RYR2: variants seen among roughly 807,000 people sequenced by gnomAD.
RYR2 encodes cardiac muscle ryanodine receptor-calcium release channel.
In RYR2, 227 loss-of-function variants were observed where a neutral mutation model predicts 601.1. The ratio of observed to expected loss-of-function variants is 0.38; its 90% CI spans 0.34 to 0.42. The LOEUF (loss-of-function observed/expected upper bound fraction) is 0.42. RYR2 is among the 10% of genes least tolerant of loss of function. RYR2 has a pLI of 1.00. For missense variants in RYR2, 4,646 were observed against 6,156.5 expected (o/e 0.75, Z 8.21); for synonymous variants, 2,223 against 2,175.1 (o/e 1.02, Z -0.61).
At chr1:237,556,508 A>G (rs1430302986) in intron 27 of RYR2, among the ~76,000 whole-genome samples, 1 of 142,450 alleles carries the variant, frequency 7.0e-6, no homozygotes, top group Non-Finnish European at 1.5e-5. Context: ...GCGGGGTTTC[A>G]CCATATTGGC....
At chr1:237,728,913 C>T (rs1259819834) in intron 76 of RYR2, among the ~76,000 whole-genome samples, 1 of 151,966 alleles carries the variant, frequency 6.6e-6, no homozygotes, top group Non-Finnish European at 1.5e-5. Flanking sequence ...AACAAACCTG[C>T]ACATTCTGCA....
At chr1:237,437,099 C>T (rs1267083347) in intron 12 of RYR2, among the ~76,000 whole-genome samples, 2 of 151,474 alleles carry the variant, frequency 1.3e-5, no homozygotes, top group Non-Finnish European at 2.9e-5. Flanking sequence ...GGCTGGAGTG[C>T]ACTGGCGCAA....
intron 1 of RYR2, among the ~76,000 whole-genome samples, chr1:237,133,483 T>C (rs537684605): frequency 5.9e-5 from 9 of 152,284 alleles, no homozygotes; most frequent in African/African-American, 1.9e-4. Flanking sequence ...GGTTGAGTTA[T>C]TTGTTGGAAG....
chr1:237,802,236 T>C (rs1660060531), intron 98 of RYR2: 1 of 188,160 alleles, frequency 5.3e-6, no homozygotes, highest in Non-Finnish European at 1.1e-5. Flanking sequence ...CTAAATAATT[T>C]TAAAAGAACA....
At chr1:237,070,040 T>TTC (rs1202721113) in intron 1 of RYR2, among the ~76,000 whole-genome samples, 3 of 150,472 alleles carry the variant, frequency 2.0e-5, no homozygotes, top group African/African-American at 7.3e-5. Context: ...ACTTTTTTTT[T>TTC]TTTTTTTGGA....
rs138765541 is a variant in RYR2 at position 237,434,973 on chromosome 1, G to A, written c.1006-6346G>A. 6.9e-3 allele frequency among the ~76,000 whole-genome samples: 1,050 copies of A among 151,958 alleles called. 6 individuals are homozygous for A. The highest frequency in any genetic ancestry group is 9.1e-3 in the African/African-American group (376 of 41,436). On this transcript the variant is annotated intron_variant, in intron 12 of 104. Coordinates refer to ENST00000366574, the MANE Select transcript of RYR2 (RefSeq NM_001035.3). ...GTAGTTTTAGTAGAGACGGGGTTTC[G>A]CCATGTTGCCCAGGCTGGTCTTGAA...
intron 11 of RYR2, among the ~76,000 whole-genome samples, 153 bp downstream of exon 11, chr1:237,417,276 T>A (rs892503652): frequency 2.0e-5 from 3 of 152,110 alleles, no homozygotes; most frequent in African/African-American, 7.2e-5. Context: ...CTTTTGTCTA[T>A]TTCCTTCCAC....
intron 1 of RYR2, among the ~76,000 whole-genome samples, chr1:237,123,109 G>A (rs1349602569): frequency 1.3e-5 from 2 of 152,174 alleles, no homozygotes; most frequent in Non-Finnish European, 2.9e-5. Flanking sequence ...TGCTAGTACA[G>A]TGGCTTTTAT....
At chr1:237,687,366 C>CTTTTTTTTTTTTTTTTTTTTTTTTTCT in intron 62 of RYR2, 89 bp from the exon 63 acceptor site, 6 of 257,686 alleles carry the variant, frequency 2.3e-5, no homozygotes, top group East Asian at 7.7e-5. Context: ...TTTTCTTCTT[C>CTTTTTTTTTTTTTTTTTTTTTTTTTCT]TTTTTTTTTT....
intron 3 of RYR2, among the ~76,000 whole-genome samples, chr1:237,348,740 C>T (rs1259028108): frequency 1.2e-4 from 18 of 152,106 alleles, no homozygotes; most frequent in African/African-American, 4.1e-4. Flanking sequence ...GAAAAAAGAT[C>T]TGACAGTAGA....
chr1:237,756,243 T>G lies in RYR2; in HGVS notation c.11146-45T>G, dbSNP rs1197469341. On this transcript the variant is annotated intron_variant, in intron 80 of 104. Transcript: ENST00000366574. Reference sequence around the variant, plus strand: ...AAATATGGTCTGTAGAAATCTGTTGTGCTTACTGATACCCTCAACATAAAT... The same window carrying G: ...AAATATGGTCTGTAGAAATCTGTTGGGCTTACTGATACCCTCAACATAAAT... 1.9e-5 allele frequency: 24 copies of G among 1,282,294 alleles called. No individual in the cohort carries two copies. In the Admixed American group the frequency reaches 4.0e-4, roughly 22 times the overall value. The allele number at this position is 1,282,294 out of a possible 1,614,324, so 79.4% of individuals were successfully genotyped here. A position where few individuals can be genotyped will look rare whatever the true frequency, so the allele number is the denominator to read the frequency against.
chr1:237,325,101 C>T (rs192299194), intron 2 of RYR2, among the ~76,000 whole-genome samples: 2 of 152,108 alleles, frequency 1.3e-5, no homozygotes, highest in East Asian at 3.9e-4. Flanking sequence ...CTGGTGGTGG[C>T]GGTGGTCATG....
chr1:237,368,784 A>G (rs889082427), intron 5 of RYR2, among the ~76,000 whole-genome samples: 6 of 151,638 alleles, frequency 4.0e-5, no homozygotes, highest in Non-Finnish European at 8.8e-5. Flanking sequence ...AGGAATACTC[A>G]TTCGTTGAAT....
chr1:237,349,161 A>G (rs923024907), intron 3 of RYR2, among the ~76,000 whole-genome samples: 2 of 152,172 alleles, frequency 1.3e-5, no homozygotes, highest in African/African-American at 2.4e-5. Flanking sequence ...GGGTTACCAT[A>G]GTAAAAATGC....
intron 2 of RYR2, among the ~76,000 whole-genome samples, chr1:237,307,134 A>G (rs753098560): frequency 4.0e-5 from 6 of 151,192 alleles, no homozygotes; most frequent in Non-Finnish European, 8.9e-5. Flanking sequence ...TAAAAGCTCT[A>G]GGATGATAAT....
intron 1 of RYR2, among the ~76,000 whole-genome samples, chr1:237,162,307 C>T (rs1676100882): frequency 6.6e-6 from 1 of 152,066 alleles, no homozygotes; most frequent in South Asian, 2.1e-4. Context: ...GTGGAATGAA[C>T]ACGCCATCAC....
chr1:237,298,649 C>G (rs989730361), intron 2 of RYR2, among the ~76,000 whole-genome samples: 2 of 152,088 alleles, frequency 1.3e-5, no homozygotes, highest in South Asian at 4.2e-4. Flanking sequence ...AGTTATGTTA[C>G]TTTTTTATAT....
At chr1:237,391,996 G>T (rs538996805) in intron 10 of RYR2, among the ~76,000 whole-genome samples, 2 of 152,000 alleles carry the variant, frequency 1.3e-5, no homozygotes, top group South Asian at 4.2e-4. Context: ...AAGACAAATC[G>T]CTCTAAAATG....
intron 80 of RYR2, among the ~76,000 whole-genome samples, chr1:237,743,833 A>C (rs1329265619): frequency 6.6e-6 from 1 of 152,190 alleles, no homozygotes; most frequent in African/African-American, 2.4e-5. Flanking sequence ...ATGACTCATA[A>C]TTTGAAATTT....
Sources: gnomAD v4.1 joint callset for allele counts (sites outside exome capture counted in the v4.1 genomes callset) on GRCh38, gnomAD v4.1.1 for gene constraint, MANE v1.5 for transcripts, NCBI Gene and HGNC (gene_info 2026-07-23, HGNC 2026-07-21) for gene names.